C1QTNF7: variants seen among roughly 807,000 people sequenced by gnomAD.
C1QTNF7 encodes the protein C1q and TNF related 7.
In C1QTNF7, 15 loss-of-function variants were observed where a neutral mutation model predicts 19.6. The observed-to-expected ratio is 0.76, with a 90% CI of 0.51 to 1.18. The LOEUF (loss-of-function observed/expected upper bound fraction) is 1.18, where lower values mean the gene tolerates loss of function less well. Among genes scored for constraint, C1QTNF7 ranks in the 50% most tolerant of loss-of-function variants. The probability of loss-of-function intolerance (pLI) is 0.00; values close to 1 mark genes in which losing one functional copy is unlikely to be tolerated. For synonymous variants in C1QTNF7, 142 were observed against 137.5 expected (o/e 1.03, Z -0.23); for missense variants, 324 against 359.7 (o/e 0.90, Z 0.80).
At chr4:15,348,401 T>C (rs1461642116) in intron 1 of C1QTNF7, among the ~76,000 whole-genome samples, 1 of 152,216 alleles carries the variant, frequency 6.6e-6, no homozygotes, top group African/African-American at 2.4e-5. Flanking sequence ...GAATGATTTG[T>C]ACTTGCCATT....
intron 1 of C1QTNF7, among the ~76,000 whole-genome samples, chr4:15,419,444 T>A (rs1367595291): frequency 6.6e-6 from 1 of 152,148 alleles, no homozygotes; most frequent in African/African-American, 2.4e-5. Flanking sequence ...GAAAAACACT[T>A]ATGATATAAT....
intron 1 of C1QTNF7, among the ~76,000 whole-genome samples, chr4:15,404,900 T>C (rs1719137825): frequency 6.6e-6 from 1 of 152,294 alleles, no homozygotes; most frequent in South Asian, 2.1e-4. Context: ...AAACAAACAA[T>C]TCATAAGTTG....
chr4:15,429,582 C>A (rs1242493616), intron 1 of C1QTNF7, among the ~76,000 whole-genome samples: 2 of 152,192 alleles, frequency 1.3e-5, no homozygotes, highest in African/African-American at 4.8e-5. Context: ...CCTTTTAAGG[C>A]TGAAGAAGAT....
chr4:15,436,685 G>A (rs1254725565), intron 2 of C1QTNF7, among the ~76,000 whole-genome samples: 2 of 152,128 alleles, frequency 1.3e-5, no homozygotes, highest in African/African-American at 2.4e-5. Context: ...AAATAAGTTG[G>A]TCCGGGAAGC....
At chr4:15,420,921 G>T (rs13132604) in intron 1 of C1QTNF7, among the ~76,000 whole-genome samples, 39,712 of 139,284 alleles carry the variant, frequency 0.29, 5,980 homozygotes, top group East Asian at 0.39. Flanking sequence ...CCCAGCTCTC[G>T]CTCCAATGTG....
chr4:15,381,538 C>T (rs1255164375), intron 1 of C1QTNF7, among the ~76,000 whole-genome samples: 1 of 152,020 alleles, frequency 6.6e-6, no homozygotes, highest in East Asian at 1.9e-4. Flanking sequence ...TTTGGGTGCA[C>T]ATATCAAAGT....
At chr4:15,361,201 T>C (rs1717331626) in intron 1 of C1QTNF7, 1 of 152,144 alleles carries the variant, frequency 6.6e-6, no homozygotes, top group African/African-American at 2.4e-5. Context: ...CAGAAGCACT[T>C]TCCACTTTGA....
At chr4:15,392,482 C>G (rs370798360) in intron 1 of C1QTNF7, among the ~76,000 whole-genome samples, 2 of 152,210 alleles carry the variant, frequency 1.3e-5, no homozygotes, top group Non-Finnish European at 2.9e-5. Context: ...GGAAGCAGCC[C>G]TCACCCAAAG....
intron 1 of C1QTNF7, among the ~76,000 whole-genome samples, chr4:15,395,385 G>T (rs1718746670): frequency 1.3e-5 from 2 of 152,182 alleles, no homozygotes; most frequent in African/African-American, 2.4e-5. Context: ...AAGCCCCCTT[G>T]CTTTCTGTAA....
At chr4:15,350,217 G>GAA in intron 1 of C1QTNF7, among the ~76,000 whole-genome samples, 1 of 136,290 alleles carries the variant, frequency 7.3e-6, no homozygotes, top group Non-Finnish European at 1.6e-5. Context: ...AAGGAAGGGA[G>GAA]GGAAGGAAGG....
chr4:15,364,950 G>A (rs999300866), intron 1 of C1QTNF7, among the ~76,000 whole-genome samples: 1 of 152,132 alleles, frequency 6.6e-6, no homozygotes, highest in African/African-American at 2.4e-5. Flanking sequence ...CCTCTTGATT[G>A]TCAGTGAAAA....
At chr4:15,398,589 G>A (rs1157926079) in intron 1 of C1QTNF7, among the ~76,000 whole-genome samples, 7 of 152,172 alleles carry the variant, frequency 4.6e-5, no homozygotes, top group Non-Finnish European at 2.9e-5. Flanking sequence ...TCAAAGCTGA[G>A]CTCAGGCATC....
rs988437894 is a variant in C1QTNF7, at chr4:15,446,019, G to T, written c.*3220G>T. ...TTTCAGGCCACAAATGTTTCTTTGT[G>T]CCCCTGCATGCACAAGGGTATTTCC... On this transcript the variant is annotated 3_prime_UTR_variant, in exon 3 of 3. Coordinates refer to ENST00000444304, the MANE Select transcript of C1QTNF7 (RefSeq NM_031911.5). 2 of 152,248 alleles carry T rather than the reference G, an allele frequency of 1.3e-5. No individual in the cohort carries two copies. Among genetic ancestry groups the T allele is most frequent in the Middle Eastern group, 3.4e-3 (1 of 294 alleles). 9.4% of individuals were successfully genotyped at this position (152,248 alleles called of 1,614,324 possible). A position where few individuals can be genotyped will look rare whatever the true frequency, so the allele number is the denominator to read the frequency against.
intron 1 of C1QTNF7, among the ~76,000 whole-genome samples, chr4:15,420,913 C>G (rs10004540): frequency 7.1e-6 from 1 of 141,280 alleles, no homozygotes; most frequent in Non-Finnish European, 1.5e-5. Context: ...TTGGATTTCC[C>G]AGCTCTCGCT....
intron 1 of C1QTNF7, among the ~76,000 whole-genome samples, chr4:15,372,072 G>T (rs1156228822): frequency 6.6e-6 from 1 of 152,046 alleles, no homozygotes. Flanking sequence ...CCTTAGAAAA[G>T]TCACTACCAA....
At chr4:15,389,810 C>A (rs1718487227) in intron 1 of C1QTNF7, among the ~76,000 whole-genome samples, 1 of 152,164 alleles carries the variant, frequency 6.6e-6, no homozygotes, top group Non-Finnish European at 1.5e-5. Flanking sequence ...TTGAGAGGCA[C>A]AGGTGCATTG....
At chr4:15,422,227 A>G (rs1237663333) in intron 1 of C1QTNF7, among the ~76,000 whole-genome samples, 1 of 149,712 alleles carries the variant, frequency 6.7e-6, no homozygotes, top group African/African-American at 2.5e-5. Flanking sequence ...AAAAAAAAGG[A>G]TATTGCACAG....
intron 1 of C1QTNF7, among the ~76,000 whole-genome samples, chr4:15,353,830 G>T (rs1203052472): frequency 1.3e-5 from 2 of 151,798 alleles, no homozygotes; most frequent in Non-Finnish European, 2.9e-5. Context: ...GGTGGAAAAT[G>T]AGGCTGAAAC....
intron 1 of C1QTNF7, among the ~76,000 whole-genome samples, chr4:15,386,101 C>T (rs1438730240): frequency 6.6e-6 from 1 of 152,190 alleles, no homozygotes; most frequent in Admixed American, 6.5e-5. Context: ...CCTCTCCTGG[C>T]AGAGTGCTGT....
Sources: allele counts gnomAD v4.1 joint callset (sites outside exome capture counted in the v4.1 genomes callset), GRCh38; gene constraint gnomAD v4.1.1; transcripts MANE v1.5; gene names NCBI Gene and HGNC (gene_info 2026-07-23, HGNC 2026-07-21).